Variants in GRIP1 observed in about 807,000 individuals in gnomAD.
The protein encoded by GRIP1 is glutamate receptor-interacting protein 1.
A neutral mutation model predicts 129.9 loss-of-function variants in GRIP1; 45 were observed. That is an observed-to-expected ratio of 0.35 (90% confidence interval 0.27 to 0.44). GRIP1 has a LOEUF of 0.44. Ranked by LOEUF, GRIP1 falls within the 20% of genes least tolerant of loss-of-function variation. GRIP1 has a pLI of 1.00. For missense variants in GRIP1, 1,196 were observed against 1,396.8 expected (o/e 0.86, Z 2.29); for synonymous variants, 530 against 520.8 (o/e 1.02, Z -0.24).
At chr12:66,600,320 T>C (rs2064224154) in intron 1 of GRIP1, among the ~76,000 whole-genome samples, 1 of 152,138 alleles carries the variant, frequency 6.6e-6, no homozygotes, top group Non-Finnish European at 1.5e-5. Flanking sequence ...GGAGAGATAC[T>C]AAATAGGCTT....
intron 7 of GRIP1, among the ~76,000 whole-genome samples, chr12:66,485,773 G>C (rs1402782831): frequency 3.3e-5 from 5 of 151,742 alleles, no homozygotes; most frequent in African/African-American, 1.2e-4. Context: ...TCTCCACATG[G>C]ATATAATTGA....
intron 1 of GRIP1, among the ~76,000 whole-genome samples, chr12:66,845,228 G>A (rs1192965017): frequency 6.6e-6 from 1 of 151,834 alleles, no homozygotes; most frequent in Non-Finnish European, 1.5e-5. Flanking sequence ...AGGTCAAGGC[G>A]GGTGGACCAC....
At chr12:67,036,117 A>G (rs1299147248) in intron 1 of GRIP1, among the ~76,000 whole-genome samples, 5 of 152,152 alleles carry the variant, frequency 3.3e-5, no homozygotes, top group African/African-American at 1.2e-4. Flanking sequence ...TTGTTTCACC[A>G]TTGCAACCAG....
intron 8 of GRIP1, among the ~76,000 whole-genome samples, chr12:66,463,599 A>G (rs1270409620): frequency 1.3e-5 from 2 of 152,338 alleles, no homozygotes; most frequent in African/African-American, 2.4e-5. Context: ...CACAAACTCC[A>G]AGATCACCAG....
intron 1 of GRIP1, among the ~76,000 whole-genome samples, chr12:67,022,364 G>C (rs1376141648): frequency 1.3e-5 from 2 of 152,126 alleles, no homozygotes; most frequent in Non-Finnish European, 2.9e-5. Context: ...GTTGTTTGCA[G>C]TTTCAACTCT....
chr12:66,679,444 C>CAAAAAAA (rs10691128), upstream of GRIP1, among the ~76,000 whole-genome samples: 1 of 117,440 alleles, frequency 8.5e-6, no homozygotes, highest in African/African-American at 3.2e-5. Context: ...AAACAACAAC[C>CAAAAAAA]AAAAAAAAAA....
chr12:66,543,540 TAAAAC>T (rs542566162), intron 2 of GRIP1, among the ~76,000 whole-genome samples: 49 of 152,156 alleles, frequency 3.2e-4, no homozygotes, highest in Non-Finnish European at 5.1e-4. Context: ...TTGTGCTACT[TAAAAC>T]AAAACAAAGC....
intron 11 of GRIP1, among the ~76,000 whole-genome samples, chr12:66,446,336 C>T (rs1410172994): frequency 6.6e-6 from 1 of 152,088 alleles, no homozygotes; most frequent in Non-Finnish European, 1.5e-5. Flanking sequence ...AGTGTGGCCA[C>T]CCGTGCTCTC....
chr12:66,479,267 A>G (rs1403587854), intron 7 of GRIP1, among the ~76,000 whole-genome samples: 2 of 152,154 alleles, frequency 1.3e-5, no homozygotes, highest in Non-Finnish European at 2.9e-5. Flanking sequence ...AATACAAAAT[A>G]CCATCAGAGA....
At chr12:66,378,349 G>T (rs1396652167) in intron 20 of GRIP1, among the ~76,000 whole-genome samples, 1 of 152,202 alleles carries the variant, frequency 6.6e-6, no homozygotes, top group Admixed American at 6.5e-5. Flanking sequence ...CTAATCGGGG[G>T]TCTAAGGCAG....
intron 1 of GRIP1, among the ~76,000 whole-genome samples, chr12:66,815,371 C>G (rs2039187879): frequency 6.6e-6 from 1 of 152,072 alleles, no homozygotes; most frequent in Non-Finnish European, 1.5e-5. Context: ...TGATCACCTC[C>G]CCCATGCCTT....
intron 1 of GRIP1, among the ~76,000 whole-genome samples, chr12:66,810,827 GTTGT>G (rs2039088775): frequency 6.6e-6 from 1 of 152,098 alleles, no homozygotes; most frequent in African/African-American, 2.4e-5. Context: ...ACTTATTTGT[GTTGT>G]TTATTAAAGC....
chr12:67,056,896 C>T (rs1019455992), intron 1 of GRIP1, among the ~76,000 whole-genome samples: 12 of 152,108 alleles, frequency 7.9e-5, no homozygotes, highest in Admixed American at 7.2e-4. Flanking sequence ...CTGCAACCTC[C>T]GCCTCCCGGG....
At position 66,993,264 on chromosome 12, in the gene GRIP1, A is replaced by G. The variant is rs540867932; in HGVS notation, c.58+75786T>C. Among the ~76,000 whole-genome samples, 6 of 152,264 alleles carry G rather than the reference A, an allele frequency of 3.9e-5. No homozygotes were observed. In the South Asian group the frequency reaches 1.2e-3, roughly 32 times the overall value. On this transcript the variant is annotated intron_variant, in intron 1 of 1. Transcript: ENST00000643019. ...ATATCAGAAAGGAGAAATATTTCAA[A>G]TCAATAACCTAACCTTCTACTTTAA... is the stretch of plus-strand genomic sequence containing the variant.
At chr12:66,826,080 T>C (rs927971713) in intron 1 of GRIP1, among the ~76,000 whole-genome samples, 2 of 152,138 alleles carry the variant, frequency 1.3e-5, no homozygotes, top group African/African-American at 4.8e-5. Flanking sequence ...AATGATAGTC[T>C]GGATAAAGAA....
Position 66,801,144 on chromosome 12 carries a change from T to C in GRIP1, c.-420+2909A>G, listed in dbSNP as rs189561550. Reference sequence around the variant, plus strand: ...AATATATACAATATAGTTCTATAACTGGGAAAAGCTTTAGGGACAAAGCCA... The same window carrying C: ...AATATATACAATATAGTTCTATAACCGGGAAAAGCTTTAGGGACAAAGCCA... On this transcript the variant is annotated intron_variant, in intron 1 of 4. Coordinates refer to the GRIP1 transcript ENST00000538373. Among the ~76,000 whole-genome samples, 460 of 152,228 alleles carry C rather than the reference T, an allele frequency of 3.0e-3. 9 individuals carry two copies. Among genetic ancestry groups the C allele is most frequent in the East Asian group, 6.0e-3 (31 of 5,178 alleles).
At chr12:66,813,960 T>C (rs895439479) in intron 1 of GRIP1, among the ~76,000 whole-genome samples, 1 of 152,166 alleles carries the variant, frequency 6.6e-6, no homozygotes, top group Admixed American at 6.5e-5. Flanking sequence ...AAATCAAGCA[T>C]GATTCTTTGA....
chr12:66,757,043 T>A (rs2037312672), intron 1 of GRIP1, among the ~76,000 whole-genome samples: 1 of 152,226 alleles, frequency 6.6e-6, no homozygotes, highest in South Asian at 2.1e-4. Flanking sequence ...CATTATCACA[T>A]GAGGGTAAAT....
intron 1 of GRIP1, among the ~76,000 whole-genome samples, chr12:66,839,832 G>A (rs966525462): frequency 4.6e-5 from 7 of 152,146 alleles, no homozygotes; most frequent in African/African-American, 7.2e-5. Context: ...TCTGCTAAGC[G>A]CTTCAGATTA....
Sources: gnomAD v4.1 joint callset for allele counts (sites outside exome capture counted in the v4.1 genomes callset) on GRCh38, gnomAD v4.1.1 for gene constraint, MANE v1.5 for transcripts, NCBI Gene and HGNC (gene_info 2026-07-23, HGNC 2026-07-21) for gene names.